Variants in WDFY3 observed in about 807,000 individuals in gnomAD.
The protein encoded by WDFY3 is WD repeat and FYVE domain containing 3, also known as WD repeat and FYVE domain-containing protein 3.
WDFY3 carries 66 observed loss-of-function variants against 409.6 expected under a neutral mutation model. That is an observed-to-expected ratio of 0.16 (90% CI 0.13 to 0.20). The LOEUF (loss-of-function observed/expected upper bound fraction) is 0.20. Among genes scored for constraint, WDFY3 ranks in the 10% least tolerant of loss-of-function variants. WDFY3 has a pLI of 1.00. For synonymous variants in WDFY3, 1,521 were observed against 1,537.1 expected (o/e 0.99, Z 0.25); for missense variants, 3,031 against 4,298.1 (o/e 0.71, Z 8.24).
At chr4:84,921,199 C>T (rs1324437690) in intron 2 of WDFY3, among the ~76,000 whole-genome samples, 1 of 152,106 alleles carries the variant, frequency 6.6e-6, no homozygotes, top group Admixed American at 6.6e-5. Context: ...CAAGAGCCTT[C>T]TCGGACCCAA....
intron 4 of WDFY3, among the ~76,000 whole-genome samples, chr4:84,850,928 GT>G (rs869074191): frequency 8.6e-5 from 4 of 46,248 alleles, no homozygotes; most frequent in African/African-American, 9.2e-5. Flanking sequence ...TTATTTATCT[GT>G]TTTTTTTTTT....
intron 10 of WDFY3, among the ~76,000 whole-genome samples, chr4:84,823,408 G>A (rs1754377275): frequency 6.6e-6 from 1 of 151,600 alleles, no homozygotes; most frequent in Non-Finnish European, 1.5e-5. Context: ...TTCAATAGGA[G>A]AAAAACAATC....
At chr4:84,842,248 G>A (rs1037015980) in intron 5 of WDFY3, among the ~76,000 whole-genome samples, 5 of 152,018 alleles carry the variant, frequency 3.3e-5, no homozygotes, top group African/African-American at 4.8e-5. Flanking sequence ...AGGCCAAGGC[G>A]GGCAGATCAC....
chr4:84,780,241 G>T lies in WDFY3; in HGVS notation c.4232C>A (p.Ala1411Asp). ...GGCCACCAGGCCCAGGATGGCTGCAGCTCCACCAACGTACTGCAAAGTAGT... is the reference window on the plus strand; with the variant it reads ...GGCCACCAGGCCCAGGATGGCTGCATCTCCACCAACGTACTGCAAAGTAGT... ...VATTLQYVGG[A>D]AAILGLVAMA... The change falls in exon 26 of 68, where the codon GCT (alanine) becomes GAT (aspartate). Residue 1411 changes from alanine to aspartate, a missense_variant. By Grantham distance (126) the Ala-to-Asp change is moderately radical. This residue lies in a region of WDFY3 where 55 missense variants were observed against 124.1 expected (regional missense o/e 0.44). Transcript: ENST00000295888. 6.2e-7 allele frequency: 1 copy of T among 1,614,036 alleles called. No homozygotes were observed. Among genetic ancestry groups the T allele is most frequent in the South Asian group, 1.1e-5 (1 of 91,040 alleles).
At chr4:84,745,962 T>A (rs1739363776) in intron 36 of WDFY3, among the ~76,000 whole-genome samples, 1 of 151,984 alleles carries the variant, frequency 6.6e-6, no homozygotes, top group Admixed American at 6.6e-5. Flanking sequence ...CATCATAATT[T>A]GCTAAGGAAT....
chr4:84,679,690 C>T (rs568451394), intron 64 of WDFY3, among the ~76,000 whole-genome samples: 1 of 152,198 alleles, frequency 6.6e-6, no homozygotes, highest in South Asian at 2.1e-4. Flanking sequence ...ACAGCTTAAA[C>T]ATTCTTGTCT....
intron 44 of WDFY3, among the ~76,000 whole-genome samples, chr4:84,731,075 G>C (rs1186405797): frequency 1.3e-5 from 2 of 152,150 alleles, no homozygotes; most frequent in Non-Finnish European, 2.9e-5. Flanking sequence ...GGGATTACAG[G>C]TGTGAGCCAC....
rs147607788 is a variant in WDFY3 at position 84,903,782 on chromosome 4, A to C, written c.-131-6772T>G. 4.5e-3 allele frequency among the ~76,000 whole-genome samples: 691 copies of C among 152,342 alleles called. 7 individuals are homozygous for C. The highest frequency in any genetic ancestry group is 0.016 in the African/African-American group (671 of 41,578). On this transcript the variant is annotated intron_variant, in intron 2 of 67. Transcript: ENST00000295888. ...TGGACAAAAACAATATCTGAAATAT[A>C]TGAACATTAAAGAATCGGTTTCAGA...
At chr4:84,847,687 T>C in intron 5 of WDFY3, among the ~76,000 whole-genome samples, 1 of 128,962 alleles carries the variant, frequency 7.8e-6, no homozygotes. Context: ...GGCAGGAGAA[T>C]CGATTGAACC....
At position 84,736,284 on chromosome 4, in the gene WDFY3, G is replaced by A. The variant is rs1202533704; in HGVS notation, c.6801C>T (p.Pro2267=). ...CACGGGATAATTTGGACTGTGTGGT[G>A]GGCGCTAAAGCTTCTCCTCGACTTA... ...KCISRGEALA[P]TTQSKLSRVS... is the part of the protein sequence containing the mutation. Residue 2267 remains proline (P), a synonymous_variant, in exon 42 of 68, where the codon CCC becomes CCT. Coordinates refer to ENST00000295888, the MANE Select transcript of WDFY3 (RefSeq NM_014991.6). The A allele has an allele frequency of 6.2e-7, 1 of 1,611,064 alleles. No homozygotes were observed. The highest frequency in any genetic ancestry group is 1.3e-5 in the African/African-American group (1 of 74,832).
chr4:84,876,124 C>G (rs1762748188), intron 3 of WDFY3, among the ~76,000 whole-genome samples: 1 of 152,196 alleles, frequency 6.6e-6, no homozygotes, highest in African/African-American at 2.4e-5. Context: ...CTTGTTTACA[C>G]CAGCATCACC....
intron 62 of WDFY3, among the ~76,000 whole-genome samples, chr4:84,686,662 G>A (rs969958329): frequency 3.9e-5 from 6 of 152,126 alleles, no homozygotes; most frequent in Admixed American, 2.6e-4. Flanking sequence ...TAGGGGTGAG[G>A]GTAAGGTGGC....
At chr4:84,912,689 T>C (rs1767949307) in intron 2 of WDFY3, among the ~76,000 whole-genome samples, 1 of 151,466 alleles carries the variant, frequency 6.6e-6, no homozygotes, top group South Asian at 2.1e-4. Flanking sequence ...AAAAAATCAC[T>C]GAGGATAAAG....
intron 1 of WDFY3, among the ~76,000 whole-genome samples, chr4:84,956,919 A>T (rs1774303996): frequency 6.6e-6 from 1 of 152,054 alleles, no homozygotes; most frequent in Non-Finnish European, 1.5e-5. Context: ...TATTAAGCTA[A>T]ATCATATATT....
chr4:84,673,693 A>G (rs867684122), intron 67 of WDFY3, among the ~76,000 whole-genome samples: 16 of 152,128 alleles, frequency 1.1e-4, no homozygotes, highest in African/African-American at 3.1e-4. Context: ...CAGAGTTCCT[A>G]TTCCTGGAAT....
At chr4:84,784,986 A>C (rs1032097693) in intron 24 of WDFY3, among the ~76,000 whole-genome samples, 3 of 149,958 alleles carry the variant, frequency 2.0e-5, no homozygotes, top group Non-Finnish European at 4.4e-5. Flanking sequence ...AAACCACCAT[A>C]ATCTCTCATA....
At chr4:84,909,719 A>T (rs1189284117) in intron 2 of WDFY3, among the ~76,000 whole-genome samples, 1 of 152,044 alleles carries the variant, frequency 6.6e-6, no homozygotes, top group East Asian at 1.9e-4. Context: ...TTTAACATAA[A>T]ATTGAACAAT....
At chr4:84,752,971 A>G (rs1457599266) in intron 35 of WDFY3, among the ~76,000 whole-genome samples, 1 of 152,210 alleles carries the variant, frequency 6.6e-6, no homozygotes, top group African/African-American at 2.4e-5. Context: ...TTGAAAAGTC[A>G]CCAATATTTA....
At chr4:84,778,950 C>A (rs113651974) in intron 26 of WDFY3, among the ~76,000 whole-genome samples, 3 of 152,140 alleles carry the variant, frequency 2.0e-5, no homozygotes, top group African/African-American at 7.2e-5. Context: ...TAGTTACCAA[C>A]GCGTGCATAA....
Sources: gnomAD v4.1 joint callset for allele counts (sites outside exome capture counted in the v4.1 genomes callset) on GRCh38, gnomAD v4.1.1 for gene constraint, gnomAD v4.1.1 regional missense constraint, MANE v1.5 for transcripts, NCBI Gene and HGNC (gene_info 2026-07-23, HGNC 2026-07-21) for gene names.